Variants in PIGF observed in about 807,000 individuals in gnomAD.
The protein encoded by PIGF is phosphatidylinositol glycan anchor biosynthesis class F.
In PIGF, 23 loss-of-function variants were observed where a neutral mutation model predicts 26.0. The observed-to-expected ratio is 0.88, with a 90% CI of 0.64 to 1.25. The LOEUF (loss-of-function observed/expected upper bound fraction) is 1.25. Among genes scored for constraint, PIGF ranks in the 50% most tolerant of loss-of-function variants. The pLI, the probability that PIGF is intolerant of heterozygous loss-of-function variation, is 0.00. For synonymous variants in PIGF, 93 were observed against 92.6 expected (o/e 1.00, Z -0.03); for missense variants, 278 against 249.9 (o/e 1.11, Z -0.76).
At chr2:46,611,476 C>T (rs1470079858) in intron 4 of PIGF, among the ~76,000 whole-genome samples, 2 of 141,496 alleles carry the variant, frequency 1.4e-5, no homozygotes, top group Non-Finnish European at 3.2e-5. Context: ...GAGCGAGGTT[C>T]CATCTCAAAA....
At position 46,594,777 on chromosome 2, in the gene PIGF, G is replaced by T. The variant is rs185634177; in HGVS notation, c.438-2194C>A. On this transcript the variant is annotated intron_variant, in intron 4 of 5. Transcript: ENST00000281382. ...TCTCGAACTCCTGACCTTGTGATCC[G>T]CCGGCCTCAGCCTCCCAAAGTGCTG... 1.3e-4 allele frequency among the ~76,000 whole-genome samples: 20 copies of T among 148,288 alleles called. No homozygotes were observed. The East Asian group carries it at 3.4e-3, about 25-fold the overall frequency.
chr2:46,611,469 C>T (rs58101879), intron 4 of PIGF, among the ~76,000 whole-genome samples: 19 of 145,926 alleles, frequency 1.3e-4, no homozygotes, highest in East Asian at 2.0e-4. Flanking sequence ...GGCGACAGAG[C>T]GAGGTTCCAT....
chr2:46,613,938 C>G (rs1670518595), intron 2 of PIGF, 153 bp from the exon 3 acceptor site: 2 of 626,790 alleles, frequency 3.2e-6, no homozygotes, highest in Non-Finnish European at 5.5e-6. Flanking sequence ...TGTCCTGTAC[C>G]GTCACATACA....
At chr2:46,591,902 C>T (rs1558701330) in intron 5 of PIGF, 1 of 1,303,886 alleles carries the variant, frequency 7.7e-7, no homozygotes, top group Non-Finnish European at 1.0e-6. Flanking sequence ...GCCGCTGCTG[C>T]AAAAATTACC....
At chr2:46,607,254 A>G (rs1026523647) in intron 4 of PIGF, among the ~76,000 whole-genome samples, 12 of 152,218 alleles carry the variant, frequency 7.9e-5, no homozygotes, top group Non-Finnish European at 1.8e-4. Context: ...TCCAACAACC[A>G]TCTCATCACT....
intron 4 of PIGF, among the ~76,000 whole-genome samples, chr2:46,602,269 A>G (rs1670083420): frequency 6.6e-6 from 1 of 151,950 alleles, no homozygotes; most frequent in Admixed American, 6.6e-5. Flanking sequence ...TTAGTTATGT[A>G]TAAAATCCCA....
chr2:46,614,090 A>G (rs1402941974), intron 2 of PIGF: 2 of 204,736 alleles, frequency 9.8e-6, no homozygotes, highest in African/African-American at 4.6e-5. Flanking sequence ...TATTTATCAA[A>G]TACTGATTGA....
At chr2:46,600,496 C>T (rs1670023210) in intron 4 of PIGF, among the ~76,000 whole-genome samples, 1 of 152,106 alleles carries the variant, frequency 6.6e-6, no homozygotes, top group South Asian at 2.1e-4. Context: ...ACATGGAATA[C>T]TTGTAATGAT....
At position 46,589,482 on chromosome 2, in the gene PIGF, T is replaced by G. The variant is rs1358198975; in HGVS notation, c.546+2993A>C. ...AAACTGAATTAAAACATGTAGTAGATTTTGTGGGGTTTTGTGTGTGTGTGT... is the reference window on the plus strand; with the variant it reads ...AAACTGAATTAAAACATGTAGTAGAGTTTGTGGGGTTTTGTGTGTGTGTGT... On this transcript the variant is annotated intron_variant, in intron 5 of 5. Transcript: ENST00000281382. The surrounding 1 kb of genome is among the most constrained non-coding windows in gnomAD (Gnocchi z 4.7). Among the ~76,000 whole-genome samples the G allele has an allele frequency of 6.6e-6, 1 of 151,820 alleles. No homozygotes were observed. Among genetic ancestry groups the G allele is most frequent in the African/African-American group, 2.4e-5 (1 of 41,374 alleles).
chr2:46,616,005 A>C (rs991369789), intron 1 of PIGF: 2 of 151,768 alleles, frequency 1.3e-5, no homozygotes, highest in African/African-American at 4.9e-5. Context: ...ATTCCAGAAA[A>C]TAGAAATATC....
intron 4 of PIGF, among the ~76,000 whole-genome samples, chr2:46,604,802 CAG>C (rs1278130917): frequency 6.6e-6 from 1 of 151,754 alleles, no homozygotes; most frequent in African/African-American, 2.4e-5. Flanking sequence ...GATAGCAAAA[CAG>C]GGTGACTATA....
chr2:46,611,416 G>A (rs879787502), intron 4 of PIGF, among the ~76,000 whole-genome samples: 5 of 151,980 alleles, frequency 3.3e-5, no homozygotes, highest in African/African-American at 9.7e-5. Flanking sequence ...CCTGGGAGAT[G>A]GAGGTTGCAG....
intron 5 of PIGF, among the ~76,000 whole-genome samples, chr2:46,585,995 C>G (rs1453720818): frequency 1.3e-5 from 2 of 152,104 alleles, no homozygotes; most frequent in East Asian, 3.9e-4. Context: ...AGGATGGTCT[C>G]GATCTCCTGA....
chr2:46,615,330 G>C (rs1000896622), intron 1 of PIGF, 145 bp from the exon 2 acceptor site: 2 of 541,204 alleles, frequency 3.7e-6, no homozygotes, highest in Non-Finnish European at 6.7e-6. Context: ...CAGACGTGTA[G>C]ATGCACATAC....
intron 4 of PIGF, among the ~76,000 whole-genome samples, chr2:46,599,132 T>C (rs1400200629): frequency 6.6e-6 from 1 of 152,206 alleles, no homozygotes; most frequent in Non-Finnish European, 1.5e-5. Flanking sequence ...TTAAAACTTA[T>C]TCCCCAAAGA....
At chr2:46,608,384 C>G (rs913730558) in intron 4 of PIGF, among the ~76,000 whole-genome samples, 6 of 152,202 alleles carry the variant, frequency 3.9e-5, no homozygotes, top group African/African-American at 1.4e-4. Flanking sequence ...TCCACCACAT[C>G]TGCAGTGGTT....
chr2:46,601,728 T>C lies in PIGF; in HGVS notation c.438-9145A>G, dbSNP rs370998965. ...TCACTCACTATATTTTCACTCTTAG[T>C]GTCCACAGTGGTTGCTTCAATATAA... On this transcript the variant is annotated intron_variant, in intron 4 of 5. Coordinates refer to ENST00000281382, the MANE Select transcript of PIGF (RefSeq NM_002643.4). Among the ~76,000 whole-genome samples, 40 of 152,178 alleles carry C rather than the reference T, an allele frequency of 2.6e-4. No homozygotes were observed. In the East Asian group the frequency reaches 3.5e-3, roughly 13 times the overall value.
chr2:46,612,811 G>A lies in PIGF; in HGVS notation c.321-467C>T, dbSNP rs73926524. Among the ~76,000 whole-genome samples the A allele has an allele frequency of 3.9e-3, 599 of 152,186 alleles. 4 individuals are homozygous for A. Among genetic ancestry groups the A allele is most frequent in the African/African-American group, 0.014 (567 of 41,528 alleles). ...AGAGCTGGATAAACTAAAGATTGGT[G>A]GGGGCTCTACCCCTAGAGTTTCTGA... On this transcript the variant is annotated intron_variant, in intron 3 of 5. Transcript: ENST00000281382.
chr2:46,597,422 T>G (rs1360372797), intron 4 of PIGF, among the ~76,000 whole-genome samples: 1 of 151,810 alleles, frequency 6.6e-6, no homozygotes, highest in Non-Finnish European at 1.5e-5. Flanking sequence ...TTTTGTTGTT[T>G]TTTTTTTTGA....
Sources: gnomAD v4.1 joint callset for allele counts (sites outside exome capture counted in the v4.1 genomes callset) on GRCh38, gnomAD v4.1.1 for gene constraint, Gnocchi (gnomAD v3.1) non-coding constraint, MANE v1.5 for transcripts, NCBI Gene and HGNC (gene_info 2026-07-23, HGNC 2026-07-21) for gene names.